IQGAP1: variants seen among roughly 807,000 people sequenced by gnomAD.
The protein encoded by IQGAP1 is ras GTPase-activating-like protein IQGAP1.
A neutral mutation model predicts 215.6 loss-of-function variants in IQGAP1; 66 were observed. That is an observed-to-expected ratio of 0.31 (90% confidence interval 0.25 to 0.38). IQGAP1 has a LOEUF of 0.38. Ranked by LOEUF, IQGAP1 falls within the 10% of genes least tolerant of loss-of-function variation. IQGAP1 has a pLI of 1.00. For synonymous variants in IQGAP1, 772 were observed against 728.7 expected (o/e 1.06, Z -0.96); for missense variants, 1,712 against 1,997.1 (o/e 0.86, Z 2.72).
intron 9 of IQGAP1, 30 bp from the exon 10 acceptor site, chr15:90,448,543 C>G (rs773302066): frequency 2.6e-6 from 4 of 1,540,872 alleles, no homozygotes; most frequent in Non-Finnish European, 3.5e-6. Flanking sequence ...TAACATAGTC[C>G]TTTCACAAGC....
chr15:90,453,466 G>A (rs952798529), intron 13 of IQGAP1, among the ~76,000 whole-genome samples, 174 bp downstream of exon 13: 1 of 152,128 alleles, frequency 6.6e-6, no homozygotes, highest in African/African-American at 2.4e-5. Flanking sequence ...ATGACATTCC[G>A]TTCCTAAATA....
At chr15:90,491,279 A>G in intron 33 of IQGAP1, 54 bp from the exon 34 acceptor site, 3 of 1,454,926 alleles carry the variant, frequency 2.1e-6, no homozygotes, top group Non-Finnish European at 2.9e-6. Flanking sequence ...ATATAAATTC[A>G]AGTTTAGGAT....
intron 15 of IQGAP1, among the ~76,000 whole-genome samples, chr15:90,461,058 G>T (rs1965754853): frequency 6.8e-6 from 1 of 147,746 alleles, no homozygotes; most frequent in African/African-American, 2.5e-5. Context: ...TGTAATCCCA[G>T]CACTTTGGGA....
chr15:90,440,614 A>C lies in IQGAP1; in HGVS notation c.648A>C (p.Ala216=). The C allele has an allele frequency of 1.9e-6, 3 of 1,552,954 alleles. No individual in the cohort carries two copies. The highest frequency in any genetic ancestry group is 2.6e-6 in the Non-Finnish European group (3 of 1,145,942). The change falls in exon 7 of 38, where the codon GCA becomes GCC. Residue 216 remains alanine, a splice_region_variant and synonymous_variant. Coordinates refer to ENST00000268182, the MANE Select transcript of IQGAP1 (RefSeq NM_003870.4). ...ATGAACTGTCAGTGGATGAAGCCGC[A>C]TGTAAGAAGAGAGAAATTTTGTGGG... is the stretch of plus-strand genomic sequence containing the variant. ...LANELSVDEA[A]LHAAVIAINE...
At position 90,388,287 on chromosome 15, in the gene IQGAP1, G is replaced by A; in HGVS notation, c.-55G>A. 1.3e-6 allele frequency: 2 copies of A among 1,584,628 alleles called. No individual in the cohort carries two copies. Among genetic ancestry groups the A allele is most frequent in the Non-Finnish European group, 1.7e-6 (2 of 1,164,906 alleles). On this transcript the variant is annotated 5_prime_UTR_variant, in exon 1 of 38. Transcript: ENST00000268182. ...CTTGGCAGGAGCTGTAGCTACCGCC[G>A]TCCGCGCCTCCAAGGTTTCACGGCT...
In IQGAP1 at chr15:90,482,419, A is replaced by G. The variant is rs1026262225; in HGVS notation, c.3555+138A>G. On this transcript the variant is annotated intron_variant, in intron 28 of 37. Transcript: ENST00000268182. ...CATTGATTGTGAGCTTTTGAAAGCA[A>G]TTGTAATTGGTAAATGGTACCTCTC... is the stretch of plus-strand genomic sequence containing the variant. 12 of 770,496 alleles carry G rather than the reference A, an allele frequency of 1.6e-5. No individual in the cohort carries two copies. In the African/African-American group the frequency reaches 1.9e-4, roughly 12 times the overall value. 47.7% of individuals were successfully genotyped at this position (770,496 alleles called of 1,614,324 possible). A position where few individuals can be genotyped will look rare whatever the true frequency, so the allele number is the denominator to read the frequency against.
intron 2 of IQGAP1, among the ~76,000 whole-genome samples, chr15:90,411,632 C>T (rs970002269): frequency 1.3e-5 from 2 of 152,058 alleles, no homozygotes; most frequent in East Asian, 3.8e-4. Flanking sequence ...AAGAGCTGCT[C>T]ACAGGTTAGT....
chr15:90,427,670 G>A (rs1965243391), intron 3 of IQGAP1, among the ~76,000 whole-genome samples: 3 of 152,078 alleles, frequency 2.0e-5, no homozygotes, highest in Admixed American at 2.0e-4. Flanking sequence ...AACCCAGGAG[G>A]CGGGGGTTAC....
In IQGAP1 at chr15:90,448,564, T is replaced by A; in HGVS notation, c.914-9T>A. The A allele has an allele frequency of 6.4e-7, 1 of 1,565,834 alleles. No individual in the cohort carries two copies. Among genetic ancestry groups the A allele is most frequent in the Non-Finnish European group, 8.6e-7 (1 of 1,156,642 alleles). On this transcript the variant is annotated splice_polypyrimidine_tract_variant and intron_variant, in intron 9 of 37. Coordinates refer to ENST00000268182, the MANE Select transcript of IQGAP1 (RefSeq NM_003870.4). The stretch of plus-strand genomic sequence containing the variant: ...AGTCCTTTCACAAGCTTTTGCCTTT[T>A]TTCCTCAGCATTTTCTGCATTAGCA...
chr15:90,473,218 G>A, intron 19 of IQGAP1: 1 of 549,372 alleles, frequency 1.8e-6, no homozygotes, highest in Middle Eastern at 4.8e-4. Flanking sequence ...CAGTTCTTGG[G>A]TACCTCTTCC....
chr15:90,423,206 A>G (rs761937028), intron 2 of IQGAP1, among the ~76,000 whole-genome samples: 7 of 152,116 alleles, frequency 4.6e-5, no homozygotes, highest in African/African-American at 7.2e-5. Flanking sequence ...AAATGTTAAC[A>G]TGGCACTTTA....
In IQGAP1 at chr15:90,496,418, C is replaced by T. The variant is rs150405150; in HGVS notation, c.4752-814C>T. ...TCAGCTCACTACAACCTCTGCCTCCCGGGTTCAATCAATTCTCCTGCCTCA... is the reference window on the plus strand; with the variant it reads ...TCAGCTCACTACAACCTCTGCCTCCTGGGTTCAATCAATTCTCCTGCCTCA... On this transcript the variant is annotated intron_variant, in intron 36 of 37. Coordinates refer to ENST00000268182, the MANE Select transcript of IQGAP1 (RefSeq NM_003870.4). Among the ~76,000 whole-genome samples the T allele has an allele frequency of 5.5e-3, 819 of 150,114 alleles. 6 individuals carry two copies. The highest frequency in any genetic ancestry group is 0.019 in the African/African-American group (784 of 40,602).
chr15:90,421,000 A>G (rs1429662059), intron 2 of IQGAP1, among the ~76,000 whole-genome samples: 1 of 151,924 alleles, frequency 6.6e-6, no homozygotes, highest in Non-Finnish European at 1.5e-5. Flanking sequence ...TAAGATGTAC[A>G]AAAACTAGCC....
At chr15:90,399,783 A>C (rs1254140054) in intron 2 of IQGAP1, among the ~76,000 whole-genome samples, 1 of 152,134 alleles carries the variant, frequency 6.6e-6, no homozygotes, top group Non-Finnish European at 1.5e-5. Flanking sequence ...AAAGTGATGG[A>C]ATTACAGGCC....
intron 34 of IQGAP1, among the ~76,000 whole-genome samples, chr15:90,492,192 C>T (rs1966214877): frequency 2.0e-5 from 3 of 151,986 alleles, no homozygotes; most frequent in Admixed American, 2.0e-4. Context: ...GGTCAGGCAC[C>T]GTGGCTCACA....
At chr15:90,443,702 A>G (rs1418299818) in intron 9 of IQGAP1, among the ~76,000 whole-genome samples, 1 of 152,162 alleles carries the variant, frequency 6.6e-6, no homozygotes, top group Non-Finnish European at 1.5e-5. Flanking sequence ...GCATCATAGT[A>G]GTCTGTTTGG....
chr15:90,406,952 G>T (rs1451765351), intron 2 of IQGAP1, among the ~76,000 whole-genome samples: 1 of 152,180 alleles, frequency 6.6e-6, no homozygotes, highest in African/African-American at 2.4e-5. Context: ...TGCAGCCAAG[G>T]AAAAGATGGT....
chr15:90,501,212 T>C lies in IQGAP1; in HGVS notation c.*1104T>C, dbSNP rs1473248667. On this transcript the variant is annotated 3_prime_UTR_variant, in exon 38 of 38. Coordinates refer to ENST00000268182, the MANE Select transcript of IQGAP1 (RefSeq NM_003870.4). Reference sequence around the variant, plus strand: ...AACAAAAACAAAACCAGCCAACCTATGTTACACGTGAGATTAAAACCAATT... The same window carrying C: ...AACAAAAACAAAACCAGCCAACCTACGTTACACGTGAGATTAAAACCAATT... The C allele has an allele frequency of 2.0e-5, 3 of 152,442 alleles. No individual in the cohort carries two copies. The highest frequency in any genetic ancestry group is 4.4e-5 in the Non-Finnish European group (3 of 68,034). 9.4% of individuals were successfully genotyped at this position (152,442 alleles called of 1,614,324 possible).
Position 90,388,287 on chromosome 15 carries a change from G to C in IQGAP1, c.-55G>C. ...CTTGGCAGGAGCTGTAGCTACCGCC[G>C]TCCGCGCCTCCAAGGTTTCACGGCT... On this transcript the variant is annotated 5_prime_UTR_variant, in exon 1 of 38. Transcript: ENST00000268182. 1.3e-6 allele frequency: 2 copies of C among 1,584,630 alleles called. No individual in the cohort carries two copies. Among genetic ancestry groups the C allele is most frequent in the Admixed American group, 3.4e-5 (2 of 59,040 alleles).
Sources: gnomAD v4.1 joint callset for allele counts (sites outside exome capture counted in the v4.1 genomes callset) on GRCh38, gnomAD v4.1.1 for gene constraint, MANE v1.5 for transcripts, NCBI Gene and HGNC (gene_info 2026-07-23, HGNC 2026-07-21) for gene names.